The following ZNG1A variants were observed in gnomAD, a reference collection of about 807,000 sequenced individuals.
ZNG1A encodes the protein Zn regulated GTPase metalloprotein activator 1A.
At chr9:175,245 G>A in the ZNG1A span, among the ~76,000 whole-genome samples, 2 of 151,952 alleles carry the variant, frequency 1.3e-5, no homozygotes, top group Non-Finnish European at 2.9e-5. Flanking sequence ...GGGCATGGTG[G>A]CGCACGCCTG....
At chr9:167,511 A>G in the ZNG1A span, 1 of 149,366 alleles carries the variant, frequency 6.7e-6, no homozygotes, top group Non-Finnish European at 1.5e-5. Context: ...AAGAACCCAA[A>G]GAATGCATGC....
chr9:178,416 A>G, the ZNG1A span, among the ~76,000 whole-genome samples: 25 of 147,138 alleles, frequency 1.7e-4, 1 homozygote, highest in African/African-American at 5.6e-4. Context: ...CAGACGGGAC[A>G]TCCTTTAATG....
the ZNG1A span, among the ~76,000 whole-genome samples, chr9:129,643 G>C: frequency 6.7e-6 from 1 of 149,258 alleles, no homozygotes; most frequent in East Asian, 2.0e-4. Context: ...AAGTAAAACG[G>C]TGGTTACCAG....
chr9:174,318 C>T, the ZNG1A span, among the ~76,000 whole-genome samples: 1 of 151,986 alleles, frequency 6.6e-6, no homozygotes, highest in African/African-American at 2.4e-5. Context: ...TCTAAAAGCC[C>T]ACTAAGCAAA....
chr9:147,714 T>TC, the ZNG1A span: 2 of 140,890 alleles, frequency 1.4e-5, no homozygotes, highest in Non-Finnish European at 3.1e-5. Context: ...CTTTTTCACC[T>TC]CCCCCTCCCC....
chr9:173,422 C>T, the ZNG1A span: 5 of 1,605,226 alleles, frequency 3.1e-6, no homozygotes, highest in Non-Finnish European at 4.2e-6. Flanking sequence ...CAAAAAAAAA[C>T]AAAGATGAGG....
the ZNG1A span, among the ~76,000 whole-genome samples, chr9:177,096 C>G: frequency 6.6e-6 from 1 of 152,060 alleles, no homozygotes; most frequent in Non-Finnish European, 1.5e-5. Flanking sequence ...AGAGGAGTCA[C>G]AGTAAAAAAG....
At chr9:154,737 C>A in the ZNG1A span, 829 of 1,598,276 alleles carry the variant, frequency 5.2e-4, 3 homozygotes, top group Non-Finnish European at 6.5e-4. Context: ...TTCTTTACAT[C>A]TTCTTCTGGA....
chr9:142,821 A>G, the ZNG1A span, among the ~76,000 whole-genome samples: 1 of 128,534 alleles, frequency 7.8e-6, no homozygotes, highest in Non-Finnish European at 1.6e-5. Context: ...AAAAAAAGAG[A>G]GAAGAATCAA....
chr9:126,848 C>T, the ZNG1A span, among the ~76,000 whole-genome samples: 6 of 151,948 alleles, frequency 3.9e-5, no homozygotes, highest in Admixed American at 1.3e-4. Context: ...CTCTTAGCAC[C>T]GCCTCTGCTG....
At chr9:163,792 C>T in the ZNG1A span, among the ~76,000 whole-genome samples, 3 of 151,814 alleles carry the variant, frequency 2.0e-5, no homozygotes, top group African/African-American at 7.3e-5. Flanking sequence ...TGGTGCACGC[C>T]TGTAGTCCCA....
chr9:176,249 C>T, the ZNG1A span, among the ~76,000 whole-genome samples: 2 of 138,784 alleles, frequency 1.4e-5, no homozygotes, highest in African/African-American at 5.6e-5. Flanking sequence ...CAACTTTATC[C>T]AGCAGGTGGC....
the ZNG1A span, chr9:172,225 G>A: frequency 6.2e-7 from 1 of 1,601,556 alleles, no homozygotes; most frequent in South Asian, 1.1e-5. Flanking sequence ...ATTTTGAAGT[G>A]ATTATTATAA....
At chr9:177,122 G>A in the ZNG1A span, among the ~76,000 whole-genome samples, 2 of 152,162 alleles carry the variant, frequency 1.3e-5, no homozygotes, top group Admixed American at 6.5e-5. Flanking sequence ...ATTCCAAGGG[G>A]CTAAAACACT....
the ZNG1A span, among the ~76,000 whole-genome samples, chr9:131,847 C>T: frequency 6.7e-6 from 1 of 148,930 alleles, no homozygotes; most frequent in Non-Finnish European, 1.5e-5. Flanking sequence ...TCCTAGACAG[C>T]ACTGCTTGAG....
chr9:124,950 G>A, the ZNG1A span, among the ~76,000 whole-genome samples: 3 of 152,028 alleles, frequency 2.0e-5, no homozygotes, highest in Admixed American at 2.0e-4. Context: ...CTTTATCCAC[G>A]CATTGATTGA....
At chr9:156,620 A>G in the ZNG1A span, 1 of 1,302,936 alleles carries the variant, frequency 7.7e-7, no homozygotes, top group Non-Finnish European at 1.1e-6. Flanking sequence ...ATTTTCTTGC[A>G]TCTAATAAAA....
the ZNG1A span, among the ~76,000 whole-genome samples, chr9:174,881 A>C: frequency 1.3e-5 from 2 of 150,556 alleles, no homozygotes; most frequent in Non-Finnish European, 2.9e-5. Flanking sequence ...TCAGTTGAGA[A>C]GTTAAGCACA....
At chr9:159,492 T>C in the ZNG1A span, among the ~76,000 whole-genome samples, 144 of 152,360 alleles carry the variant, frequency 9.5e-4, 2 homozygotes, top group African/African-American at 3.4e-3. Flanking sequence ...ACTAGCTCGA[T>C]TGTTTTATAA....
Sources: gnomAD v4.1 joint callset for allele counts (sites outside exome capture counted in the v4.1 genomes callset) on GRCh38, gnomAD v4.1.1 for gene constraint, MANE v1.5 for transcripts, NCBI Gene and HGNC (gene_info 2026-07-23, HGNC 2026-07-21) for gene names.